Variants in CNTNAP5 observed in about 807,000 individuals in gnomAD.
CNTNAP5 encodes the protein contactin associated protein family member 5.
Under a neutral mutation model 150.2 loss-of-function variants are expected in CNTNAP5, and 72 were observed. That is an observed-to-expected ratio of 0.48 (90% confidence interval 0.40 to 0.58). CNTNAP5 has a LOEUF of 0.58. Ranked by LOEUF, CNTNAP5 falls within the 20% of genes least tolerant of loss-of-function variation. The probability of loss-of-function intolerance (pLI) is 0.00; values close to 1 mark genes in which losing one functional copy is unlikely to be tolerated. For missense variants in CNTNAP5, 1,636 were observed against 1,626.2 expected (o/e 1.01, Z -0.10); for synonymous variants, 672 against 619.8 (o/e 1.08, Z -1.25).
At chr2:124,609,673 A>G (rs1040909857) in intron 11 of CNTNAP5, 128 bp from the exon 12 acceptor site, 16 of 1,022,244 alleles carry the variant, frequency 1.6e-5, no homozygotes, top group East Asian at 5.4e-5. Context: ...GGCTTGGGGA[A>G]AAAGTCAAGG....
intron 1 of CNTNAP5, among the ~76,000 whole-genome samples, chr2:124,119,650 G>A (rs548819179): frequency 6.6e-6 from 1 of 152,272 alleles, no homozygotes; most frequent in South Asian, 2.1e-4. Flanking sequence ...GCTCATGCCT[G>A]AGATCCCACC....
intron 13 of CNTNAP5, among the ~76,000 whole-genome samples, chr2:124,724,147 T>TAAC (rs1433170040): frequency 2.1e-5 from 3 of 146,114 alleles, no homozygotes; most frequent in Non-Finnish European, 3.0e-5. Flanking sequence ...CCATCTCAAA[T>TAAC]AATAATAATA....
intron 10 of CNTNAP5, among the ~76,000 whole-genome samples, chr2:124,548,663 C>A (rs899775534): frequency 6.6e-6 from 1 of 151,526 alleles, no homozygotes; most frequent in Non-Finnish European, 1.5e-5. Flanking sequence ...GGAAAGAGTG[C>A]AGGAAAGAAA....
At chr2:124,247,192 G>A (rs144355624) in intron 3 of CNTNAP5, among the ~76,000 whole-genome samples, 4 of 152,230 alleles carry the variant, frequency 2.6e-5, no homozygotes, top group African/African-American at 9.6e-5. Context: ...CCTGAGTATT[G>A]ATCACTGTTT....
At chr2:124,277,836 T>G (rs1268165352) in intron 3 of CNTNAP5, among the ~76,000 whole-genome samples, 1 of 152,148 alleles carries the variant, frequency 6.6e-6, no homozygotes, top group Admixed American at 6.6e-5. Flanking sequence ...TTAATCTAGA[T>G]TCATTTGCAG....
At chr2:124,392,525 A>G (rs1173647589) in intron 3 of CNTNAP5, among the ~76,000 whole-genome samples, 2 of 152,164 alleles carry the variant, frequency 1.3e-5, no homozygotes, top group African/African-American at 4.8e-5. Context: ...TAAGACTGAG[A>G]TTATATCACA....
intron 10 of CNTNAP5, among the ~76,000 whole-genome samples, chr2:124,530,232 C>T (rs947354734): frequency 4.6e-5 from 7 of 152,170 alleles, no homozygotes; most frequent in African/African-American, 1.7e-4. Flanking sequence ...ATCCCTTGAA[C>T]CCAGGAGATG....
intron 5 of CNTNAP5, among the ~76,000 whole-genome samples, chr2:124,440,980 C>G (rs1692660126): frequency 6.6e-6 from 1 of 152,126 alleles, no homozygotes; most frequent in African/African-American, 2.4e-5. Context: ...GTTTTGTGAT[C>G]TCTAATAATG....
At chr2:124,058,082 G>A (rs2104650319) in intron 1 of CNTNAP5, among the ~76,000 whole-genome samples, 1 of 152,086 alleles carries the variant, frequency 6.6e-6, no homozygotes, top group South Asian at 2.1e-4. Context: ...GTGTCTTTTG[G>A]GATTGTGATC....
At chr2:124,546,048 A>G (rs948360939) in intron 10 of CNTNAP5, among the ~76,000 whole-genome samples, 2 of 152,158 alleles carry the variant, frequency 1.3e-5, no homozygotes, top group Non-Finnish European at 2.9e-5. Flanking sequence ...GGACCCTACA[A>G]TCCCAGAGAT....
chr2:124,401,227 C>T (rs542960519), intron 3 of CNTNAP5, among the ~76,000 whole-genome samples: 1 of 152,344 alleles, frequency 6.6e-6, no homozygotes, highest in South Asian at 2.1e-4. Context: ...AGAACAAACA[C>T]AGCAGTAGCA....
chr2:124,536,356 G>A (rs575785659), intron 10 of CNTNAP5, among the ~76,000 whole-genome samples: 9 of 152,054 alleles, frequency 5.9e-5, no homozygotes, highest in Non-Finnish European at 1.3e-4. Flanking sequence ...CTGCAGCATC[G>A]GTGTCACCTG....
At chr2:124,263,861 AC>A (rs1404151991) in intron 3 of CNTNAP5, among the ~76,000 whole-genome samples, 2 of 152,136 alleles carry the variant, frequency 1.3e-5, no homozygotes, top group Non-Finnish European at 2.9e-5. Flanking sequence ...TCAGCCTTCT[AC>A]ATATGGCAGC....
intron 1 of CNTNAP5, among the ~76,000 whole-genome samples, chr2:124,034,090 T>C (rs1395662689): frequency 6.6e-6 from 1 of 152,130 alleles, no homozygotes; most frequent in African/African-American, 2.4e-5. Context: ...TGGCCAAAAG[T>C]ACAGTAGATG....
At chr2:124,539,631 T>G (rs944737303) in intron 10 of CNTNAP5, among the ~76,000 whole-genome samples, 2 of 152,194 alleles carry the variant, frequency 1.3e-5, no homozygotes, top group African/African-American at 4.8e-5. Flanking sequence ...CAAGGCGATA[T>G]TATTCCCGCC....
At chr2:124,285,654 T>G (rs1486130979) in intron 3 of CNTNAP5, among the ~76,000 whole-genome samples, 1 of 150,000 alleles carries the variant, frequency 6.7e-6, no homozygotes, top group East Asian at 1.9e-4. Flanking sequence ...AAAAAAAAAA[T>G]TAGCCAGGTT....
intron 1 of CNTNAP5, among the ~76,000 whole-genome samples, chr2:124,146,957 T>G (rs1684268607): frequency 6.6e-6 from 1 of 152,194 alleles, no homozygotes; most frequent in South Asian, 2.1e-4. Context: ...TGAGTGTGGA[T>G]GTTGGCTGGG....
chr2:124,436,754 G>T (rs973552944), intron 5 of CNTNAP5, among the ~76,000 whole-genome samples: 12 of 152,220 alleles, frequency 7.9e-5, no homozygotes, highest in Middle Eastern at 3.4e-3. Flanking sequence ...AACCATGGTG[G>T]TGATTAAGTA....
At chr2:124,538,531 GGAAAGAAAGAAA>G (rs370057725) in intron 10 of CNTNAP5, among the ~76,000 whole-genome samples, 1 of 105,624 alleles carries the variant, frequency 9.5e-6, no homozygotes, top group Admixed American at 1.2e-4. Flanking sequence ...AAAGAAAGAA[GGAAAGAAAGAAA>G]GAAAGAGAGA....
Sources: gnomAD v4.1 joint callset for allele counts (sites outside exome capture counted in the v4.1 genomes callset) on GRCh38, gnomAD v4.1.1 for gene constraint, MANE v1.5 for transcripts, NCBI Gene and HGNC (gene_info 2026-07-23, HGNC 2026-07-21) for gene names.